TNFRSF4: variants seen among roughly 807,000 people sequenced by gnomAD.
TNFRSF4 encodes tumor necrosis factor receptor superfamily member 4.
A neutral mutation model predicts 29.5 loss-of-function variants in TNFRSF4; 21 were observed. The ratio of observed to expected loss-of-function variants is 0.71; its 90% CI spans 0.51 to 1.03. TNFRSF4 has a LOEUF of 1.03. TNFRSF4 is among the 50% of genes least tolerant of loss of function. TNFRSF4 has a pLI of 0.00. For synonymous variants in TNFRSF4, 197 were observed against 172.7 expected, an observed-to-expected ratio of 1.14 and a Z score of -1.10; for missense variants, 408 against 387.8, an observed-to-expected ratio of 1.05 and a Z score of -0.44.
chr1:1,213,261 G>A, intron 2 of TNFRSF4, 168 bp from the exon 3 acceptor site: 1 of 1,533,078 alleles, frequency 6.5e-7, no homozygotes, highest in South Asian at 1.2e-5. Context: ...CGAGGCTCCT[G>A]GGCCCTCCCT....
At chr1:1,213,584 A>T (rs1239280407) in intron 2 of TNFRSF4, 79 bp downstream of exon 2, 9 of 1,497,206 alleles carry the variant, frequency 6.0e-6, no homozygotes, top group Non-Finnish European at 7.1e-6. Context: ...TGGGAGCCCC[A>T]TGCTGCTGCG....
In TNFRSF4 at chr1:1,211,506, T is replaced by A. The variant is rs762161575; in HGVS notation, c.*49A>T. The A allele has an allele frequency of 1.4e-6, 2 of 1,466,770 alleles. No individual in the cohort carries two copies. The highest frequency in any genetic ancestry group is 5.4e-5 in the Admixed American group (2 of 37,208). The allele number at this position is 1,466,770 out of a possible 1,614,324, so 90.9% of individuals were successfully genotyped here. A position where few individuals can be genotyped will look rare whatever the true frequency, so the allele number is the denominator to read the frequency against. ...CCTGCCCTGCTCGCCCAGCAGACCC[T>A]CCGGGCTCCAGCCTGGCGGGGCCCA... On this transcript the variant is annotated 3_prime_UTR_variant, in exon 7 of 7. Transcript: ENST00000379236.
chr1:1,213,231 C>T, intron 2 of TNFRSF4, 138 bp from the exon 3 acceptor site: 1 of 1,534,588 alleles, frequency 6.5e-7, no homozygotes, highest in Non-Finnish European at 8.7e-7. Context: ...TCCCCTGAGA[C>T]TTGGAGCCCC....
chr1:1,212,950 C>G, intron 3 of TNFRSF4, 42 bp downstream of exon 3: 2 of 1,556,560 alleles, frequency 1.3e-6, no homozygotes, highest in South Asian at 2.4e-5. Flanking sequence ...CAGACAGCCG[C>G]TATGCACACC....
Position 1,211,983 on chromosome 1 carries a change from G to A in TNFRSF4, c.593C>T (p.Thr198Ile). 1 of 1,603,674 alleles carries A rather than the reference G, an allele frequency of 6.2e-7. No individual in the cohort carries two copies. Among genetic ancestry groups the A allele is most frequent in the Non-Finnish European group, 8.5e-7 (1 of 1,176,138 alleles). The stretch of plus-strand genomic sequence containing the variant: ...GGGCCGGGTGGAGGGTCCCTGTGAG[G>A]TTCTGGGCCAGGCTTCAGTGGGCTG... ...TVQPTEAWPR[T>I]SQGPSTRPVE... The change falls in exon 5 of 7, where the codon ACC becomes ATC. Residue 198 changes from threonine to isoleucine, a missense_variant. By Grantham distance (89) the Thr-to-Ile change is moderately conservative. Transcript: ENST00000379236.
chr1:1,211,644 G>T lies in TNFRSF4; in HGVS notation c.764-19C>A, dbSNP rs34945898. 4 of 1,563,338 alleles carry T rather than the reference G, an allele frequency of 2.6e-6. No individual in the cohort carries two copies. Among genetic ancestry groups the T allele is most frequent in the Non-Finnish European group, 3.5e-6 (4 of 1,156,394 alleles). ...CCTCCCCCTGGGGAGGAAAAAAGGAGAGATTGGTGGGTGGGCCTCACCCGC... is the reference window on the plus strand; with the variant it reads ...CCTCCCCCTGGGGAGGAAAAAAGGATAGATTGGTGGGTGGGCCTCACCCGC... On this transcript the variant is annotated intron_variant, in intron 6 of 6. Coordinates refer to ENST00000379236, the MANE Select transcript of TNFRSF4 (RefSeq NM_003327.4).
chr1:1,212,114 G>A lies in TNFRSF4; in HGVS notation c.462C>T (p.Thr154=), dbSNP rs1649163989. ...WTNCTLAGKH[T]LQPASNSSDA... is the part of the protein sequence containing the mutation. Reference sequence around the variant, plus strand: ...CCGAGCTATTGCTGGCCGGCTGCAGGGTGTGCTTCCCAGCCAAGGTGCAGC... The same window carrying A: ...CCGAGCTATTGCTGGCCGGCTGCAGAGTGTGCTTCCCAGCCAAGGTGCAGC... The change falls in exon 5 of 7, where the codon ACC becomes ACT. Residue 154 remains threonine (T), a synonymous_variant. Transcript: ENST00000379236. 1 of 1,612,538 alleles carries A rather than the reference G, an allele frequency of 6.2e-7. No individual in the cohort carries two copies. Among genetic ancestry groups the A allele is most frequent in the African/African-American group, 1.3e-5 (1 of 74,908 alleles).
chr1:1,213,725 G>T lies in TNFRSF4; in HGVS notation c.206C>A (p.Pro69Gln). ...GCTGACCACGTCGTTGTAGAAGCCCGGCCCGCACGGACGGCACACCGTGTT... is the reference window on the plus strand; with the variant it reads ...GCTGACCACGTCGTTGTAGAAGCCCTGCCCGCACGGACGGCACACCGTGTT... ...SQNTVCRPCGPGFYNDVVSSK... is the reference protein window; with the variant it reads ...SQNTVCRPCGQGFYNDVVSSK... The change falls in exon 2 of 7, where the codon CCG (proline) becomes CAG (glutamine). Residue 69 changes from proline (P) to glutamine (Q), a missense_variant. Pro to Gln is a moderately conservative substitution (Grantham distance 76). Transcript: ENST00000379236. 1 of 1,601,196 alleles carries T rather than the reference G, an allele frequency of 6.2e-7. No homozygotes were observed. The highest frequency in any genetic ancestry group is 2.3e-5 in the East Asian group (1 of 44,250).
intron 1 of TNFRSF4, 93 bp downstream of exon 1, chr1:1,213,890 C>T (rs1479476116): frequency 7.0e-7 from 1 of 1,434,956 alleles, no homozygotes; most frequent in Non-Finnish European, 9.2e-7. Context: ...TCACCCGCCC[C>T]CTCCCCAGGA....
intron 1 of TNFRSF4, 65 bp downstream of exon 1, chr1:1,213,918 C>A: frequency 6.8e-7 from 1 of 1,470,748 alleles, no homozygotes. Context: ...CCTGGCTGGC[C>A]CATCCCTGCC....
intron 2 of TNFRSF4, chr1:1,213,417 C>A: frequency 6.5e-7 from 1 of 1,532,602 alleles, no homozygotes. Flanking sequence ...CAAGGCCAGG[C>A]CACATGGCCA....
chr1:1,212,564 T>G, intron 4 of TNFRSF4, 74 bp downstream of exon 4: 1 of 194,982 alleles, frequency 5.1e-6, no homozygotes, highest in African/African-American at 1.2e-4. Context: ...CCCTCCCAGC[T>G]CCCCAGCTCC....
rs776699361 is a variant in TNFRSF4, at chr1:1,212,597, C to CA, written c.437+40_437+41insT. The CA allele has an allele frequency of 1.1e-4, 63 of 599,152 alleles. 1 individual carries two copies. In the South Asian group the frequency reaches 1.4e-3, roughly 14 times the overall value. The allele number at this position is 599,152 out of a possible 1,614,324, so 37.1% of individuals were successfully genotyped here. On this transcript the variant is annotated intron_variant, in intron 4 of 6. Transcript: ENST00000379236. ...TCCTCCGCCCTCCTAACCACCCCAACCCCCCCCCAGCCCCTCCCAGCCCCT... is the reference window on the plus strand; with the variant it reads ...TCCTCCGCCCTCCTAACCACCCCAACACCCCCCCCAGCCCCTCCCAGCCCCT...
At position 1,211,373 on chromosome 1, in the gene TNFRSF4, G is replaced by A. The variant is rs528304598; in HGVS notation, c.*182C>T. The A allele has an allele frequency of 7.5e-5, 38 of 507,030 alleles. No homozygotes were observed. The highest frequency in any genetic ancestry group is 3.8e-4 in the South Asian group (8 of 21,134). The allele number at this position is 507,030 out of a possible 1,614,324, so 31.4% of individuals were successfully genotyped here. A position where few individuals can be genotyped will look rare whatever the true frequency, so the allele number is the denominator to read the frequency against. On this transcript the variant is annotated 3_prime_UTR_variant, in exon 7 of 7. Coordinates refer to ENST00000379236, the MANE Select transcript of TNFRSF4 (RefSeq NM_003327.4). ...GCCAAGGTTTTTATTGTGGTCCCGCGGGGCAGGAGGTATGCATGGCATACG... is the reference window on the plus strand; with the variant it reads ...GCCAAGGTTTTTATTGTGGTCCCGCAGGGCAGGAGGTATGCATGGCATACG...
At chr1:1,212,175 C>A (rs774059484) in intron 4 of TNFRSF4, 37 bp from the exon 5 acceptor site, 1 of 1,607,292 alleles carries the variant, frequency 6.2e-7, no homozygotes, top group African/African-American at 1.3e-5. Context: ...AGGCCAGAAA[C>A]CCCCTGGGAC....
At position 1,213,366 on chromosome 1, in the gene TNFRSF4, G is replaced by T. The variant is rs772962091; in HGVS notation, c.269-273C>A. 1.8e-5 allele frequency: 28 copies of T among 1,530,966 alleles called. No individual in the cohort carries two copies. The South Asian group carries it at 3.4e-4, about 18-fold the overall frequency. 94.8% of individuals were successfully genotyped at this position (1,530,966 alleles called of 1,614,324 possible). ...AGCCGCCAGCCCCGCCTGCGGCAGG[G>T]TCTCCATGGCCCAACCCCCCAGCCT... On this transcript the variant is annotated intron_variant, in intron 2 of 6. Transcript: ENST00000379236.
In TNFRSF4 at chr1:1,213,151, G is replaced by A. The variant is rs1234335095; in HGVS notation, c.269-58C>T. The A allele has an allele frequency of 8.3e-6, 13 of 1,557,268 alleles. No individual in the cohort carries two copies. The African/African-American group carries it at 9.5e-5, about 11-fold the overall frequency. On this transcript the variant is annotated intron_variant, in intron 2 of 6. Coordinates refer to ENST00000379236, the MANE Select transcript of TNFRSF4 (RefSeq NM_003327.4). ...TGGGGGCTGTGGACAGGGTCCTCAG[G>A]AAGCGTGGGCACTGGAGGACAGGTT...
intron 3 of TNFRSF4, 40 bp downstream of exon 3, chr1:1,212,952 A>T (rs747732746): frequency 3.8e-6 from 6 of 1,561,866 alleles, no homozygotes; most frequent in Middle Eastern, 1.8e-4. Flanking sequence ...GACAGCCGCT[A>T]TGCACACCCC....
chr1:1,213,127 G>T, intron 2 of TNFRSF4, 34 bp from the exon 3 acceptor site: 2 of 1,584,758 alleles, frequency 1.3e-6, no homozygotes, highest in East Asian at 2.3e-5. Flanking sequence ...GTGGTCAGGT[G>T]GGGGCTGTGG....
Sources: allele counts gnomAD v4.1 joint callset, GRCh38; gene constraint gnomAD v4.1.1; transcripts MANE v1.5; gene names NCBI Gene and HGNC (gene_info 2026-07-23, HGNC 2026-07-21).